The following NTN1 variants were observed in gnomAD, a reference collection of about 807,000 sequenced individuals.
The protein encoded by NTN1 is netrin-1.
NTN1 carries 11 observed loss-of-function variants against 54.2 expected under a neutral mutation model. That is an observed-to-expected ratio of 0.20 (90% CI 0.13 to 0.34). The LOEUF (loss-of-function observed/expected upper bound fraction) is 0.34. Among genes scored for constraint, NTN1 ranks in the 10% least tolerant of loss-of-function variants. The probability of loss-of-function intolerance (pLI) is 1.00; values close to 1 mark genes in which losing one functional copy is unlikely to be tolerated. For synonymous variants in NTN1, 371 were observed against 382.0 expected (o/e 0.97, Z 0.33); for missense variants, 740 against 893.1 (o/e 0.83, Z 2.18).
At chr17:9,045,771 T>C (rs371003336) in intron 2 of NTN1, among the ~76,000 whole-genome samples, 1 of 152,024 alleles carries the variant, frequency 6.6e-6, no homozygotes, top group South Asian at 2.1e-4. Flanking sequence ...AAGTTGATTG[T>C]TTGGAAGGAC....
intron 2 of NTN1, among the ~76,000 whole-genome samples, chr17:9,038,467 G>A (rs924717228): frequency 1.6e-4 from 24 of 152,014 alleles, no homozygotes; most frequent in African/African-American, 5.3e-4. Flanking sequence ...ATTCACAGGG[G>A]GCCTGGCATA....
intron 2 of NTN1, among the ~76,000 whole-genome samples, chr17:9,033,524 C>T (rs1414089584): frequency 6.6e-6 from 1 of 152,190 alleles, no homozygotes; most frequent in Non-Finnish European, 1.5e-5. Context: ...GTAATCCCAG[C>T]ACTTTGGGAG....
At chr17:9,133,125 C>G (rs970071836) in intron 2 of NTN1, among the ~76,000 whole-genome samples, 3 of 152,162 alleles carry the variant, frequency 2.0e-5, no homozygotes, top group Non-Finnish European at 4.4e-5. Context: ...AGCTTCTAAG[C>G]CTGGGCAACT....
In NTN1 at chr17:9,022,341, G is replaced by T; in HGVS notation, c.-33G>T. 1 of 1,270,126 alleles carries T rather than the reference G, an allele frequency of 7.9e-7. No individual in the cohort carries two copies. Among genetic ancestry groups the T allele is most frequent in the South Asian group, 3.0e-5 (1 of 32,870 alleles). The allele number at this position is 1,270,126 out of a possible 1,614,324, so 78.7% of individuals were successfully genotyped here. On this transcript the variant is annotated 5_prime_UTR_variant, in exon 2 of 7. Transcript: ENST00000173229. ...TTCTGCGGCAGGCGGACAGATCCTC[G>T]GCGCGGCAGGGCCGGGGCAAGCTGG...
intron 2 of NTN1, among the ~76,000 whole-genome samples, chr17:9,040,369 T>C (rs2091917610): frequency 6.6e-6 from 1 of 152,212 alleles, no homozygotes; most frequent in African/African-American, 2.4e-5. Context: ...TTGATTACTA[T>C]TATGAAAGGG....
chr17:9,022,061 G>A (rs1375347648), intron 1 of NTN1, among the ~76,000 whole-genome samples: 8 of 152,066 alleles, frequency 5.3e-5, no homozygotes, highest in Non-Finnish European at 1.0e-4. Flanking sequence ...CCCCTCGGGC[G>A]GCGTGGGGGC....
intron 3 of NTN1, among the ~76,000 whole-genome samples, chr17:9,178,288 C>G (rs753731743): frequency 5.3e-5 from 8 of 152,216 alleles, no homozygotes; most frequent in Admixed American, 2.0e-4. Flanking sequence ...GCAGGGAGCC[C>G]TGTAGGCTGC....
At chr17:9,052,929 T>C (rs1362694387) in intron 2 of NTN1, among the ~76,000 whole-genome samples, 1 of 152,222 alleles carries the variant, frequency 6.6e-6, no homozygotes, top group Admixed American at 6.5e-5. Context: ...GGCCTCTCAA[T>C]AGCTGCTTCT....
chr17:9,085,808 T>G (rs1174261841), intron 2 of NTN1, among the ~76,000 whole-genome samples: 1 of 152,130 alleles, frequency 6.6e-6, no homozygotes, highest in Non-Finnish European at 1.5e-5. Context: ...CCAGGAGCAT[T>G]CAAGGCGCTG....
rs187321649 is a variant in NTN1, at chr17:9,102,991, A to G, written c.1019-59822A>G. On this transcript the variant is annotated intron_variant, in intron 2 of 6. Coordinates refer to ENST00000173229, the MANE Select transcript of NTN1 (RefSeq NM_004822.3). ...GGGTAGTGACTGTGGAGGAGGTGGCAGGAGGTGGCTTCTGATGGTGAGTGT... is the reference window on the plus strand; with the variant it reads ...GGGTAGTGACTGTGGAGGAGGTGGCGGGAGGTGGCTTCTGATGGTGAGTGT... 1.5e-4 allele frequency among the ~76,000 whole-genome samples: 23 copies of G among 152,306 alleles called. No individual in the cohort carries two copies. The East Asian group carries it at 3.5e-3, about 23-fold the overall frequency.
At chr17:9,230,155 C>T (rs1201462696) in intron 6 of NTN1, among the ~76,000 whole-genome samples, 1 of 152,172 alleles carries the variant, frequency 6.6e-6, no homozygotes, top group Non-Finnish European at 1.5e-5. Flanking sequence ...GTGTGGAAAG[C>T]TGGACAGGTT....
At chr17:9,108,457 G>A (rs187884022) in intron 2 of NTN1, among the ~76,000 whole-genome samples, 91 of 152,306 alleles carry the variant, frequency 6.0e-4, no homozygotes, top group Admixed American at 1.8e-3. Context: ...GAGGGTTTTC[G>A]ACTTTCTGGC....
At chr17:9,009,371 C>A in the NTN1 span, among the ~76,000 whole-genome samples, 1 of 152,194 alleles carries the variant, frequency 6.6e-6, no homozygotes, top group Non-Finnish European at 1.5e-5. Flanking sequence ...GCTCCCTGGG[C>A]GAGGTCATGT....
At position 9,037,624 on chromosome 17, in the gene NTN1, T is replaced by G. The variant is rs566956583; in HGVS notation, c.1018+14233T>G. 2.0e-5 allele frequency among the ~76,000 whole-genome samples: 3 copies of G among 152,272 alleles called. No homozygotes were observed. In the East Asian group the frequency reaches 5.8e-4, roughly 29 times the overall value. Reference sequence around the variant, plus strand: ...TAAACCTTCCCAGGCCTGGGGTTTATTTTTCTCCCTCACTGAGGACTTTTT... The same window carrying G: ...TAAACCTTCCCAGGCCTGGGGTTTAGTTTTCTCCCTCACTGAGGACTTTTT... On this transcript the variant is annotated intron_variant, in intron 2 of 6. Coordinates refer to ENST00000173229, the MANE Select transcript of NTN1 (RefSeq NM_004822.3).
intron 5 of NTN1, among the ~76,000 whole-genome samples, chr17:9,201,963 G>GAATCACAA (rs1904796908): frequency 7.2e-6 from 1 of 138,016 alleles, no homozygotes; most frequent in South Asian, 2.3e-4. Flanking sequence ...CAAGGCGGGC[G>GAATCACAA]AATCACAAGG....
intron 6 of NTN1, among the ~76,000 whole-genome samples, chr17:9,234,154 C>T (rs1197496540): frequency 2.0e-5 from 3 of 152,222 alleles, no homozygotes; most frequent in Non-Finnish European, 4.4e-5. Context: ...GTGTGTGCCC[C>T]TGTAGGCAGG....
intron 2 of NTN1, among the ~76,000 whole-genome samples, chr17:9,026,441 G>A (rs181727906): frequency 6.6e-6 from 1 of 151,814 alleles, no homozygotes; most frequent in African/African-American, 2.4e-5. Flanking sequence ...ACAAGACGAT[G>A]TATAATGTTA....
At chr17:9,163,408 T>C (rs1204774194) in intron 3 of NTN1, among the ~76,000 whole-genome samples, 1 of 134,686 alleles carries the variant, frequency 7.4e-6, no homozygotes, top group African/African-American at 2.8e-5. Context: ...GACAAAGGAC[T>C]CTCTTTCACC....
chr17:9,231,119 C>T (rs763648045), intron 6 of NTN1, among the ~76,000 whole-genome samples: 9 of 152,274 alleles, frequency 5.9e-5, no homozygotes, highest in African/African-American at 1.9e-4. Flanking sequence ...GTGGGCATTT[C>T]GTGAGGTGTA....
Sources: gnomAD v4.1 joint callset for allele counts (sites outside exome capture counted in the v4.1 genomes callset) on GRCh38, gnomAD v4.1.1 for gene constraint, MANE v1.5 for transcripts, NCBI Gene and HGNC (gene_info 2026-07-23, HGNC 2026-07-21) for gene names.